Variants in ARSB observed in about 807,000 individuals in gnomAD.
The protein encoded by ARSB is arylsulfatase B.
A neutral mutation model predicts 50.9 loss-of-function variants in ARSB; 41 were observed. The ratio of observed to expected loss-of-function variants is 0.81; its 90% CI spans 0.63 to 1.04. The LOEUF (loss-of-function observed/expected upper bound fraction) is 1.04. Among genes scored for constraint, ARSB ranks in the 50% least tolerant of loss-of-function variants. The pLI, the probability that ARSB is intolerant of heterozygous loss-of-function variation, is 0.00. For synonymous variants in ARSB, 269 were observed against 284.8 expected, an observed-to-expected ratio of 0.94 and a Z score of 0.56; for missense variants, 672 against 693.3, an observed-to-expected ratio of 0.97 and a Z score of 0.35.
At chr5:78,875,771 G>A (rs998835880) in intron 5 of ARSB, among the ~76,000 whole-genome samples, 2 of 151,846 alleles carry the variant, frequency 1.3e-5, no homozygotes, top group African/African-American at 4.8e-5. Context: ...GGGTTCAAGC[G>A]ATTCTCCTCC....
rs1222583207 is a variant in ARSB, at chr5:78,981,011, C to T, written c.312+3926G>A. Among the ~76,000 whole-genome samples the T allele has an allele frequency of 1.9e-4, 6 of 31,870 alleles. 2 individuals are homozygous for T. The highest frequency in any genetic ancestry group is 1.4e-3 in the Admixed American group (3 of 2,170). 20.9% of individuals were successfully genotyped at this position (31,870 alleles called of 152,430 possible). A position where few individuals can be genotyped will look rare whatever the true frequency, so the allele number is the denominator to read the frequency against. ...TGTCGCCCAGGCTGGAGTGCAGTGG[C>T]GCAATCTCGGCTCACTGCAAGCTCC... On this transcript the variant is annotated intron_variant, in intron 1 of 7. Transcript: ENST00000264914.
intron 6 of ARSB, among the ~76,000 whole-genome samples, chr5:78,797,575 C>G (rs746072307): frequency 7.2e-5 from 11 of 152,204 alleles, no homozygotes; most frequent in Non-Finnish European, 1.2e-4. Flanking sequence ...ACAGGTTCAA[C>G]CTCTTCAGCT....
chr5:78,945,723 C>T (rs1751198658), intron 4 of ARSB, among the ~76,000 whole-genome samples: 1 of 152,204 alleles, frequency 6.6e-6, no homozygotes, highest in African/African-American at 2.4e-5. Flanking sequence ...CTCCACCTTG[C>T]AGTCCAGGCT....
At chr5:78,852,747 TG>T (rs1208238266) in intron 5 of ARSB, among the ~76,000 whole-genome samples, 1 of 152,116 alleles carries the variant, frequency 6.6e-6, no homozygotes, top group Non-Finnish European at 1.5e-5. Context: ...TTGGAGGCTT[TG>T]TTCGTTTCTT....
At chr5:78,813,696 G>A (rs959199009) in intron 6 of ARSB, among the ~76,000 whole-genome samples, 4 of 152,096 alleles carry the variant, frequency 2.6e-5, no homozygotes, top group Non-Finnish European at 5.9e-5. Flanking sequence ...GCTCAAGGCT[G>A]CAGTGAGCCG....
chr5:78,837,983 G>T (rs190033016), intron 6 of ARSB, among the ~76,000 whole-genome samples: 5 of 152,282 alleles, frequency 3.3e-5, no homozygotes, highest in African/African-American at 9.6e-5. Flanking sequence ...GTCTTAATGT[G>T]TCCACTTGGT....
intron 4 of ARSB, among the ~76,000 whole-genome samples, chr5:78,920,891 C>T (rs1407705140): frequency 6.6e-6 from 1 of 152,098 alleles, no homozygotes; most frequent in Non-Finnish European, 1.5e-5. Context: ...ACTGCTGCCC[C>T]GCCAGGTTAG....
chr5:78,983,172 G>A (rs554193771), intron 1 of ARSB, among the ~76,000 whole-genome samples: 1 of 152,178 alleles, frequency 6.6e-6, no homozygotes, highest in Non-Finnish European at 1.5e-5. Flanking sequence ...TCCTGACTCA[G>A]TCTCCCGAGT....
chr5:78,864,865 C>CT (rs1746632411), intron 5 of ARSB, among the ~76,000 whole-genome samples: 1 of 152,230 alleles, frequency 6.6e-6, no homozygotes, highest in Non-Finnish European at 1.5e-5. Context: ...GCAGTCAAAT[C>CT]TTAAAGCTCC....
chr5:78,973,104 C>T (rs563699759), intron 1 of ARSB, among the ~76,000 whole-genome samples: 2 of 152,210 alleles, frequency 1.3e-5, no homozygotes, highest in South Asian at 2.1e-4. Flanking sequence ...TACAGAGCCA[C>T]GCCATGCTGC....
Position 78,984,983 on chromosome 5 carries a change from G to T in ARSB, c.266C>A (p.Pro89Gln), listed in dbSNP as rs767967380. ...GVLLDNYYTQPLCTPSRSQLL... is the reference protein window; with the variant it reads ...GVLLDNYYTQQLCTPSRSQLL... ...CTGGCTCCGCGACGGCGTGCACAGCGGCTGCGTGTAGTAGTTGTCCAGGAG... is the reference window on the plus strand; with the variant it reads ...CTGGCTCCGCGACGGCGTGCACAGCTGCTGCGTGTAGTAGTTGTCCAGGAG... Residue 89 changes from proline (P) to glutamine (Q), a missense_variant, in exon 1 of 8, where the codon CCG becomes CAG. By Grantham distance (76) the Pro-to-Gln change is moderately conservative. Coordinates refer to ENST00000264914, the MANE Select transcript of ARSB (RefSeq NM_000046.5). The T allele has an allele frequency of 3.3e-6, 5 of 1,522,754 alleles. No individual in the cohort carries two copies. In the South Asian group the frequency reaches 5.0e-5, roughly 15 times the overall value. The allele number at this position is 1,522,754 out of a possible 1,614,324, so 94.3% of individuals were successfully genotyped here.
At chr5:78,881,246 A>G (rs1460828620) in intron 5 of ARSB, among the ~76,000 whole-genome samples, 8 of 152,162 alleles carry the variant, frequency 5.3e-5, no homozygotes, top group African/African-American at 1.9e-4. Context: ...AGAAAAAAAA[A>G]GAAAAAAGAA....
intron 3 of ARSB, among the ~76,000 whole-genome samples, chr5:78,964,016 A>G (rs577297301): frequency 6.6e-6 from 1 of 152,314 alleles, no homozygotes; most frequent in East Asian, 1.9e-4. Flanking sequence ...CTTACACCTA[A>G]GCCAATCATT....
rs1318367492 is a variant in ARSB, at chr5:78,969,078, C to T, written c.427G>A (p.Val143Ile). ...LKEAGYTTHM[V>I]GKWHLGMYRK... is the part of the protein sequence containing the mutation. ...TACATTCCCAGGTGCCATTTTCCGACCATATGGGTAGTATAACCTGCTTCT... is the reference window on the plus strand; with the variant it reads ...TACATTCCCAGGTGCCATTTTCCGATCATATGGGTAGTATAACCTGCTTCT... The change falls in exon 2 of 8, where the codon GTC becomes ATC. Residue 143 changes from valine (V) to isoleucine (I), a missense_variant. Coordinates refer to ENST00000264914, the MANE Select transcript of ARSB (RefSeq NM_000046.5). 1.2e-6 allele frequency: 2 copies of T among 1,614,094 alleles called. No homozygotes were observed. The highest frequency in any genetic ancestry group is 1.1e-5 in the South Asian group (1 of 91,084).
chr5:78,786,577 T>C (rs1749085790), intron 6 of ARSB, among the ~76,000 whole-genome samples: 1 of 152,236 alleles, frequency 6.6e-6, no homozygotes, highest in African/African-American at 2.4e-5. Context: ...TTCGAGTAAC[T>C]GCAGAGCATT....
chr5:78,815,887 G>A, intron 6 of ARSB: 1 of 1,423,146 alleles, frequency 7.0e-7, no homozygotes, highest in Non-Finnish European at 9.1e-7. Flanking sequence ...GTTTATGGTT[G>A]ATCTAAGTAA....
chr5:78,898,160 C>G (rs1748656529), intron 4 of ARSB, among the ~76,000 whole-genome samples: 1 of 152,038 alleles, frequency 6.6e-6, no homozygotes, highest in Non-Finnish European at 1.5e-5. Flanking sequence ...CCAAGCTACT[C>G]AGGAGGCGGA....
At chr5:78,906,813 C>G (rs1181414098) in intron 4 of ARSB, among the ~76,000 whole-genome samples, 2 of 152,002 alleles carry the variant, frequency 1.3e-5, no homozygotes, top group East Asian at 3.8e-4. Flanking sequence ...AAGGTGGTGC[C>G]CATGATTTTA....
intron 4 of ARSB, among the ~76,000 whole-genome samples, chr5:78,947,523 A>G (rs1751299916): frequency 6.6e-6 from 1 of 152,244 alleles, no homozygotes; most frequent in Non-Finnish European, 1.5e-5. Context: ...AAACAGGTAT[A>G]TGAAAAGGTG....
Sources: gnomAD v4.1 joint callset for allele counts (sites outside exome capture counted in the v4.1 genomes callset) on GRCh38, gnomAD v4.1.1 for gene constraint, MANE v1.5 for transcripts, NCBI Gene and HGNC (gene_info 2026-07-23, HGNC 2026-07-21) for gene names.